The following AS3MT variants were observed in gnomAD, a reference collection of about 807,000 sequenced individuals.
AS3MT encodes arsenite methyltransferase.
AS3MT carries 47 observed loss-of-function variants against 45.3 expected under a neutral mutation model. That is an observed-to-expected ratio of 1.04 (90% CI 0.82 to 1.32). AS3MT has a LOEUF of 1.32. AS3MT is among the 40% of genes most tolerant of loss of function. The pLI, the probability that AS3MT is intolerant of heterozygous loss-of-function variation, is 0.00. For synonymous variants in AS3MT, 141 were observed against 152.8 expected, an observed-to-expected ratio of 0.92 and a Z score of 0.57; for missense variants, 396 against 451.1, an observed-to-expected ratio of 0.88 and a Z score of 1.11.
At chr10:102,894,904 T>C (rs1292160827) in intron 10 of AS3MT, among the ~76,000 whole-genome samples, 1 of 152,234 alleles carries the variant, frequency 6.6e-6, no homozygotes, top group Non-Finnish European at 1.5e-5. Context: ...TGAACCAATG[T>C]ACATATTATA....
chr10:102,871,915 C>T (rs1255077224), intron 3 of AS3MT, among the ~76,000 whole-genome samples: 1 of 151,876 alleles, frequency 6.6e-6, no homozygotes, highest in African/African-American at 2.4e-5. Flanking sequence ...CGGAGTCTCA[C>T]TCTGTCCCTT....
intron 8 of AS3MT, among the ~76,000 whole-genome samples, 163 bp downstream of exon 8, chr10:102,878,673 G>A (rs1246136626): frequency 1.3e-5 from 2 of 152,112 alleles, no homozygotes; most frequent in Non-Finnish European, 2.9e-5. Flanking sequence ...CAAAAATTTT[G>A]ATATTTAATA....
intron 5 of AS3MT, among the ~76,000 whole-genome samples, chr10:102,874,074 G>A (rs898153126): frequency 3.9e-5 from 6 of 152,052 alleles, no homozygotes; most frequent in Admixed American, 6.6e-5. Context: ...ACAACATGGC[G>A]AAACCCCGTC....
At position 102,885,414 on chromosome 10, in the gene AS3MT, C is replaced by T. The variant is rs1002858556; in HGVS notation, c.886-5130C>T. ...CGTGATCTTGGCTCACTGAAACCTC[C>T]GGCTGCCAGGTTCAAGTAATTCTCC... On this transcript the variant is annotated intron_variant, in intron 9 of 10. Coordinates refer to ENST00000369880, the MANE Select transcript of AS3MT (RefSeq NM_020682.4). Among the ~76,000 whole-genome samples, 7 of 150,898 alleles carry T rather than the reference C, an allele frequency of 4.6e-5. No individual in the cohort carries two copies. In the East Asian group the frequency reaches 7.8e-4, roughly 17 times the overall value.
intron 9 of AS3MT, among the ~76,000 whole-genome samples, chr10:102,882,639 G>A (rs1471476683): frequency 6.6e-6 from 1 of 151,838 alleles, no homozygotes; most frequent in African/African-American, 2.4e-5. Flanking sequence ...GCCTAGGCTG[G>A]AGTGCAGTGA....
At chr10:102,891,659 A>G (rs1431410392) in intron 10 of AS3MT, among the ~76,000 whole-genome samples, 1 of 152,120 alleles carries the variant, frequency 6.6e-6, no homozygotes, top group African/African-American at 2.4e-5. Flanking sequence ...TTTAGTATAA[A>G]AGGAGGAGCT....
chr10:102,895,268 G>T (rs1287529546), intron 10 of AS3MT, among the ~76,000 whole-genome samples: 1 of 151,544 alleles, frequency 6.6e-6, no homozygotes, highest in Non-Finnish European at 1.5e-5. Context: ...CACGATCTTG[G>T]CTCACTGCAG....
chr10:102,882,300 C>T (rs928165165), intron 9 of AS3MT, among the ~76,000 whole-genome samples: 4 of 151,926 alleles, frequency 2.6e-5, no homozygotes, highest in Admixed American at 1.3e-4. Flanking sequence ...AATTCTCCCA[C>T]CTCAGCCTCC....
intron 4 of AS3MT, among the ~76,000 whole-genome samples, 177 bp from the exon 5 acceptor site, chr10:102,872,920 C>G (rs556727259): frequency 1.3e-5 from 2 of 152,240 alleles, no homozygotes; most frequent in East Asian, 3.9e-4. Context: ...CCAAACTGCA[C>G]GGGCAGCAGG....
In AS3MT at chr10:102,874,591, G is replaced by T; in HGVS notation, c.459-1G>T. The stretch of plus-strand genomic sequence containing the variant: ...TCGACATTTCATCTGTTCTCTTTTA[G>T]ATCAAACTGTGTTATTAACCTTGTG... On this transcript the variant is annotated splice_acceptor_variant, in intron 5 of 10. Transcript: ENST00000369880. LOFTEE classifies it high-confidence loss of function. The T allele has an allele frequency of 1.3e-6, 2 of 1,597,986 alleles. No homozygotes were observed. The highest frequency in any genetic ancestry group is 2.3e-5 in the South Asian group (2 of 88,662).
At chr10:102,900,473 G>A (rs960068501) in intron 10 of AS3MT, 120 bp from the exon 11 acceptor site, 2 of 665,450 alleles carry the variant, frequency 3.0e-6, no homozygotes, top group Admixed American at 2.7e-5. Flanking sequence ...GGATCTCATG[G>A]AATTGTAAAA....
intron 6 of AS3MT, among the ~76,000 whole-genome samples, chr10:102,875,383 A>G (rs936373444): frequency 6.8e-6 from 1 of 146,316 alleles, no homozygotes; most frequent in Non-Finnish European, 1.5e-5. Flanking sequence ...AGGCTGAGGT[A>G]GGAGAATAGC....
At chr10:102,899,378 CAGCAG>C (rs1056665251) in intron 10 of AS3MT, among the ~76,000 whole-genome samples, 13 of 152,150 alleles carry the variant, frequency 8.5e-5, no homozygotes, top group Non-Finnish European at 1.9e-4. Flanking sequence ...CAGTAGCAAC[CAGCAG>C]AGCTGGCCTT....
chr10:102,877,047 T>C lies in AS3MT; in HGVS notation c.610+12T>C, dbSNP rs1844794484. 1 of 1,612,822 alleles carries C rather than the reference T, an allele frequency of 6.2e-7. No homozygotes were observed. The highest frequency in any genetic ancestry group is 1.3e-5 in the African/African-American group (1 of 75,020). On this transcript the variant is annotated intron_variant, in intron 7 of 10. Transcript: ENST00000369880. ...CAAAGTTTTATGGGGTAGGTGATTT[T>C]GTTTAGTTTAGTATTAAGGCAGATG... is the stretch of plus-strand genomic sequence containing the variant.
At chr10:102,897,683 G>C (rs1845200239) in intron 10 of AS3MT, among the ~76,000 whole-genome samples, 1 of 152,076 alleles carries the variant, frequency 6.6e-6, no homozygotes, top group Admixed American at 6.5e-5. Context: ...CCAGGCTGGT[G>C]GTGAACTCCT....
chr10:102,896,752 T>A lies in AS3MT; in HGVS notation c.1021-3841T>A, dbSNP rs906345853. On this transcript the variant is annotated intron_variant, in intron 10 of 10. Coordinates refer to ENST00000369880, the MANE Select transcript of AS3MT (RefSeq NM_020682.4). ...AAACCTGGAGGGGCGGAGGTTGCAG[T>A]GAGCCGAGATCGCGCCACTGCACTC... Among the ~76,000 whole-genome samples the A allele has an allele frequency of 2.7e-5, 4 of 147,428 alleles. No individual in the cohort carries two copies. In the South Asian group the frequency reaches 6.4e-4, roughly 24 times the overall value.
intron 9 of AS3MT, among the ~76,000 whole-genome samples, chr10:102,888,881 A>ATATATTTTTTTTT (rs1491503446): frequency 7.6e-5 from 4 of 52,516 alleles, no homozygotes; most frequent in Non-Finnish European, 1.1e-4. Context: ...ATATATATAT[A>ATATATTTTTTTTT]TTTTTTTTTT....
At position 102,876,964 on chromosome 10, in the gene AS3MT, A is replaced by T; in HGVS notation, c.539A>T (p.Glu180Val). 5 of 1,614,058 alleles carry T rather than the reference A, an allele frequency of 3.1e-6. No individual in the cohort carries two copies. The highest frequency in any genetic ancestry group is 4.2e-6 in the Non-Finnish European group (5 of 1,179,938). The change falls in exon 7 of 11, where the codon GAG becomes GTG. Residue 180 changes from glutamate to valine, a missense_variant. Transcript: ENST00000369880. ...ATGCCTCTGTTTCAGCATGGTGGGG[A>T]GTTATATTTCAGTGACGTCTATACG... ...EAYRVLKHGG[E>V]LYFSDVYTSL...
chr10:102,900,793 A>G lies in AS3MT; in HGVS notation c.*93A>G. On this transcript the variant is annotated 3_prime_UTR_variant, in exon 11 of 11. Coordinates refer to ENST00000369880, the MANE Select transcript of AS3MT (RefSeq NM_020682.4). ...CCCCATAGCACAGACCATAAGAAAC[A>G]ACAAATGGGGCCGGGCACAGTGGCT... 2 of 1,011,282 alleles carry G rather than the reference A, an allele frequency of 2.0e-6. No homozygotes were observed. The highest frequency in any genetic ancestry group is 3.0e-6 in the Non-Finnish European group (2 of 656,888). The allele number at this position is 1,011,282 out of a possible 1,614,324, so 62.6% of individuals were successfully genotyped here.
Sources: gnomAD v4.1 joint callset for allele counts (sites outside exome capture counted in the v4.1 genomes callset) on GRCh38, gnomAD v4.1.1 for gene constraint, MANE v1.5 for transcripts, NCBI Gene and HGNC (gene_info 2026-07-23, HGNC 2026-07-21) for gene names.